CREBRF: variants seen among roughly 807,000 people sequenced by gnomAD.
The protein encoded by CREBRF is CREB3 regulatory factor.
In CREBRF, 5 loss-of-function variants were observed where a neutral mutation model predicts 66.1. That is an observed-to-expected ratio of 0.08 (90% CI 0.04 to 0.16). The LOEUF is 0.16. Among genes scored for constraint, CREBRF ranks in the 10% least tolerant of loss-of-function variants. CREBRF has a pLI of 1.00. For synonymous variants in CREBRF, 229 were observed against 264.4 expected (o/e 0.87, Z 1.30); for missense variants, 531 against 744.9 (o/e 0.71, Z 3.34).
chr5:173,058,585 G>A (rs1412326963), intron 1 of CREBRF, among the ~76,000 whole-genome samples: 1 of 151,306 alleles, frequency 6.6e-6, no homozygotes, highest in African/African-American at 2.4e-5. Flanking sequence ...CCGGGTTCAC[G>A]CCATTCTCCT....
chr5:173,123,315 G>C, intron 8 of CREBRF, 113 bp downstream of exon 8: 1 of 953,172 alleles, frequency 1.0e-6, no homozygotes, highest in African/African-American at 1.8e-5. Flanking sequence ...TGCTCTCATT[G>C]TAATTACTCT....
intron 4 of CREBRF, among the ~76,000 whole-genome samples, chr5:173,107,720 A>G (rs1021333341): frequency 1.5e-4 from 23 of 152,106 alleles, no homozygotes; most frequent in African/African-American, 5.1e-4. Flanking sequence ...CATGCCTGTA[A>G]TCCCAGCACT....
At chr5:173,057,174 G>T (rs1277628896) in intron 1 of CREBRF, among the ~76,000 whole-genome samples, 2 of 152,134 alleles carry the variant, frequency 1.3e-5, no homozygotes, top group East Asian at 3.9e-4. Flanking sequence ...TGAGTGGCAG[G>T]CTCTGGCGTC....
chr5:173,123,303 A>AGT (rs1759186263), intron 8 of CREBRF, 101 bp downstream of exon 8: 1 of 1,138,386 alleles, frequency 8.8e-7, no homozygotes, highest in Non-Finnish European at 1.2e-6. Context: ...GAAAAACTCA[A>AGT]GTGCTCTCAT....
intron 7 of CREBRF, among the ~76,000 whole-genome samples, chr5:173,116,603 G>A (rs1018565736): frequency 2.0e-5 from 3 of 152,162 alleles, no homozygotes; most frequent in Admixed American, 6.5e-5. Context: ...TTGTATGGAT[G>A]TACTACAATT....
intron 2 of CREBRF, among the ~76,000 whole-genome samples, chr5:173,082,933 A>C (rs1387247173): frequency 2.7e-5 from 4 of 147,054 alleles, no homozygotes; most frequent in East Asian, 4.0e-4. Flanking sequence ...AAAAAAAAAA[A>C]AAAAAAAAAA....
chr5:173,067,768 C>T lies in CREBRF; in HGVS notation c.-192+11289C>T, dbSNP rs190955397. On this transcript the variant is annotated intron_variant, in intron 1 of 8. Coordinates refer to ENST00000296953, the MANE Select transcript of CREBRF (RefSeq NM_153607.3). ...ATCCCAGCACTTTGGGAGGCTGAGG[C>T]GGGTGGATCAAGAAGAGGTCAGGAG... Among the ~76,000 whole-genome samples, 25 of 152,210 alleles carry T rather than the reference C, an allele frequency of 1.6e-4. No homozygotes were observed. In the East Asian group the frequency reaches 4.1e-3, roughly 25 times the overall value.
chr5:173,120,982 C>T (rs540210621), intron 7 of CREBRF, among the ~76,000 whole-genome samples: 37 of 152,226 alleles, frequency 2.4e-4, no homozygotes, highest in Admixed American at 1.1e-3. Flanking sequence ...CACGAGCCAC[C>T]GCGTCCGGCC....
chr5:173,104,711 CAGAGAGAGAGAGAGAGAG>C (rs112995190), intron 4 of CREBRF, among the ~76,000 whole-genome samples: 1 of 146,506 alleles, frequency 6.8e-6, no homozygotes, highest in South Asian at 2.2e-4. Flanking sequence ...GCAACAAATT[CAGAGAGAGAGAGAGAGAG>C]AGAGAGAGAG....
At chr5:173,119,401 A>G (rs756425863) in intron 7 of CREBRF, among the ~76,000 whole-genome samples, 2 of 152,060 alleles carry the variant, frequency 1.3e-5, no homozygotes, top group East Asian at 3.9e-4. Context: ...CTTTTATTAG[A>G]TGTAGTCCTG....
At chr5:173,056,864 G>A (rs1182709728) in intron 1 of CREBRF, among the ~76,000 whole-genome samples, 1 of 149,998 alleles carries the variant, frequency 6.7e-6, no homozygotes, top group Non-Finnish European at 1.5e-5. Flanking sequence ...CAGTCGGCCT[G>A]TCAGAGAAGA....
chr5:173,056,548 G>T (rs1757046971), intron 1 of CREBRF, 69 bp downstream of exon 1: 1 of 397,456 alleles, frequency 2.5e-6, no homozygotes, highest in East Asian at 3.6e-5. Flanking sequence ...AACGGGGGGC[G>T]GAGGGCCGCT....
intron 1 of CREBRF, among the ~76,000 whole-genome samples, chr5:173,064,939 A>G (rs1231516376): frequency 6.8e-6 from 1 of 147,704 alleles, no homozygotes; most frequent in Admixed American, 6.7e-5. Context: ...GAACTCCTGA[A>G]CTCAAGTGAC....
rs531101279 is a variant in CREBRF, at chr5:173,066,717, C to T, written c.-192+10238C>T. On this transcript the variant is annotated intron_variant, in intron 1 of 8. Coordinates refer to ENST00000296953, the MANE Select transcript of CREBRF (RefSeq NM_153607.3). ...GTCTTCTCTGAAATTTCATATAAAT[C>T]TTTTGGTAGAATGTGTTGTCTTTTG... 1.7e-4 allele frequency among the ~76,000 whole-genome samples: 26 copies of T among 149,392 alleles called. No individual in the cohort carries two copies. In the South Asian group the frequency reaches 4.9e-3, roughly 28 times the overall value.
chr5:173,130,209 T>A (rs1413218549), intron 8 of CREBRF, among the ~76,000 whole-genome samples: 1 of 152,200 alleles, frequency 6.6e-6, no homozygotes, highest in Non-Finnish European at 1.5e-5. Flanking sequence ...AGCTCATTTT[T>A]AAAAAAATTG....
chr5:173,075,576 TGAGGCA>T (rs1757736178), intron 1 of CREBRF, among the ~76,000 whole-genome samples: 1 of 152,170 alleles, frequency 6.6e-6, no homozygotes, highest in Non-Finnish European at 1.5e-5. Context: ...GGATAGAATA[TGAGGCA>T]GATGGGTCCT....
At chr5:173,129,710 C>A (rs1364183591) in intron 8 of CREBRF, among the ~76,000 whole-genome samples, 2 of 126,602 alleles carry the variant, frequency 1.6e-5, no homozygotes, top group Non-Finnish European at 3.4e-5. Flanking sequence ...GAGTGACAGA[C>A]CTCATCTCAA....
In CREBRF at chr5:173,138,834, A is replaced by T. The variant is rs1211891686; in HGVS notation, c.*5089A>T. 6.6e-6 allele frequency: 1 copy of T among 152,138 alleles called. No homozygotes were observed. The highest frequency in any genetic ancestry group is 1.5e-5 in the Non-Finnish European group (1 of 68,026). The allele number at this position is 152,138 out of a possible 1,614,324, so 9.4% of individuals were successfully genotyped here. A position where few individuals can be genotyped will look rare whatever the true frequency, so the allele number is the denominator to read the frequency against. On this transcript the variant is annotated 3_prime_UTR_variant, in exon 9 of 9. Transcript: ENST00000296953. ...CTTCTTTCCCTAGGATTTGTCCTAC[A>T]GCTTAGTATTGTGGTTGACAGCGAT...
rs70984942 is a variant in CREBRF, at chr5:173,120,683, C to CTTT, written c.1682-2370_1682-2368dup. 8.8e-4 allele frequency among the ~76,000 whole-genome samples: 45 copies of CTTT among 51,282 alleles called. 4 individuals are homozygous for CTTT. Among genetic ancestry groups the CTTT allele is most frequent in the Non-Finnish European group, 8.7e-4 (23 of 26,308 alleles). 33.6% of individuals were successfully genotyped at this position (51,282 alleles called of 152,430 possible). A position where few individuals can be genotyped will look rare whatever the true frequency, so the allele number is the denominator to read the frequency against. Reference sequence around the variant, plus strand: ...GATGTGAGCCACCGTGCCTGAGCCTCTTTTTTTTTTTTTTTTTTTTTTTTT... The same window carrying CTTT: ...GATGTGAGCCACCGTGCCTGAGCCTCTTTTTTTTTTTTTTTTTTTTTTTTTTTT... On this transcript the variant is annotated intron_variant, in intron 7 of 8. Coordinates refer to ENST00000296953, the MANE Select transcript of CREBRF (RefSeq NM_153607.3).
Sources: allele counts gnomAD v4.1 joint callset (sites outside exome capture counted in the v4.1 genomes callset), GRCh38; gene constraint gnomAD v4.1.1; transcripts MANE v1.5; gene names NCBI Gene and HGNC (gene_info 2026-07-23, HGNC 2026-07-21).